Variants in CPEB4 observed in about 807,000 individuals in gnomAD.
The protein encoded by CPEB4 is cytoplasmic polyadenylation element-binding protein 4.
A neutral mutation model predicts 72.5 loss-of-function variants in CPEB4; 12 were observed. That is an observed-to-expected ratio of 0.17 (90% confidence interval 0.11 to 0.27). The LOEUF (loss-of-function observed/expected upper bound fraction) is 0.27, where lower values mean the gene tolerates loss of function less well. CPEB4 is among the 10% of genes least tolerant of loss of function. The pLI, the probability that CPEB4 is intolerant of heterozygous loss-of-function variation, is 1.00. For synonymous variants in CPEB4, 302 were observed against 326.3 expected, an observed-to-expected ratio of 0.93 and a Z score of 0.80; for missense variants, 614 against 908.5, an observed-to-expected ratio of 0.68 and a Z score of 4.17.
intron 5 of CPEB4, 91 bp downstream of exon 5, chr5:173,945,231 C>A: frequency 9.3e-7 from 1 of 1,077,250 alleles, no homozygotes; most frequent in Non-Finnish European, 1.4e-6. Context: ...TCTTATCTGG[C>A]TCCAATAGTC....
At chr5:173,910,673 A>C in intron 2 of CPEB4, 69 bp downstream of exon 2, 1 of 989,688 alleles carries the variant, frequency 1.0e-6, no homozygotes, top group Non-Finnish European at 1.6e-6. Flanking sequence ...ATTTAATCTG[A>C]TACACAGTAT....
intron 6 of CPEB4, 113 bp from the exon 7 acceptor site, chr5:173,949,847 A>T: frequency 1.2e-6 from 1 of 819,668 alleles, no homozygotes; most frequent in Non-Finnish European, 2.0e-6. Context: ...ATATTGTTTT[A>T]ATTTTTTTCC....
rs956239090 is a variant in CPEB4 at position 173,889,538 on chromosome 5, A to G, written c.-196A>G. The G allele has an allele frequency of 2.1e-6, 1 of 473,606 alleles. No homozygotes were observed. The highest frequency in any genetic ancestry group is 3.8e-6 in the Non-Finnish European group (1 of 265,830). The allele number at this position is 473,606 out of a possible 1,614,324, so 29.3% of individuals were successfully genotyped here. On this transcript the variant is annotated 5_prime_UTR_variant, in exon 1 of 10. Coordinates refer to ENST00000265085, the MANE Select transcript of CPEB4 (RefSeq NM_030627.4). ...CAATGTTTTAAGAGATTTTTTTAAG[A>G]GTTGTTTTTTCTTTCAGAGACCAGA...
chr5:173,890,784 C>T lies in CPEB4; in HGVS notation c.1051C>T (p.Pro351Ser). ...NHIQLQKYAR[P>S]SSAFAPKSWM... ...TATTCAGCTCCAGAAGTATGCTCGC[C>T]CCAGCTCTGCCTTTGCACCTAAATC... Residue 351 changes from proline to serine, a missense_variant, in exon 1 of 10, where the codon CCC becomes TCC. Physicochemically the swap from Pro to Ser is moderately conservative, Grantham distance 74. Transcript: ENST00000265085. 2 of 1,614,158 alleles carry T rather than the reference C, an allele frequency of 1.2e-6. No individual in the cohort carries two copies. The highest frequency in any genetic ancestry group is 1.1e-5 in the South Asian group (1 of 91,082).
chr5:173,919,805 C>G (rs359420), intron 2 of CPEB4, among the ~76,000 whole-genome samples: 16,724 of 152,228 alleles, frequency 0.11, 1,120 homozygotes, highest in Middle Eastern at 0.21. Context: ...AGAATTATTA[C>G]TTCCCAAAAC....
In CPEB4 at chr5:173,900,195, C is replaced by T. The variant is rs112603380; in HGVS notation, c.1125+9337C>T. Among the ~76,000 whole-genome samples the T allele has an allele frequency of 6.6e-6, 1 of 152,004 alleles. No individual in the cohort carries two copies. The highest frequency in any genetic ancestry group is 6.5e-5 in the Admixed American group (1 of 15,270). On this transcript the variant is annotated intron_variant, in intron 1 of 9. Coordinates refer to ENST00000265085, the MANE Select transcript of CPEB4 (RefSeq NM_030627.4). The surrounding 1 kb of genome is among the most constrained non-coding windows in gnomAD (Gnocchi z 4.4). ...CTGAGGTGGGCGGATCACCTGAGGT[C>T]GGGAGTTCGAGACCAGCCTGACCAA...
At position 173,957,089 on chromosome 5, in the gene CPEB4, C is replaced by G. The variant is rs576396504; in HGVS notation, c.*952C>G. ...TATATAAACTCTATATCCTAATTTACTAATACTCATCAGATGTCAGCCTTT... is the reference window on the plus strand; with the variant it reads ...TATATAAACTCTATATCCTAATTTAGTAATACTCATCAGATGTCAGCCTTT... On this transcript the variant is annotated 3_prime_UTR_variant, in exon 10 of 10. Transcript: ENST00000265085. 2.0e-5 allele frequency: 3 copies of G among 152,786 alleles called. No homozygotes were observed. Among genetic ancestry groups the G allele is most frequent in the Admixed American group, 6.5e-5 (1 of 15,284 alleles). The allele number at this position is 152,786 out of a possible 1,614,324, so 9.5% of individuals were successfully genotyped here. A position where few individuals can be genotyped will look rare whatever the true frequency, so the allele number is the denominator to read the frequency against.
At position 173,957,417 on chromosome 5, in the gene CPEB4, A is replaced by G. The variant is rs541650993; in HGVS notation, c.*1280A>G. ...TACGTATGTTTATCTTACTCTTCCT[A>G]TAAACTAAAATAACATTACAGTTTC... is the stretch of plus-strand genomic sequence containing the variant. On this transcript the variant is annotated 3_prime_UTR_variant, in exon 10 of 10. Transcript: ENST00000265085. 3.9e-5 allele frequency: 6 copies of G among 152,938 alleles called. No homozygotes were observed. The highest frequency in any genetic ancestry group is 2.1e-4 in the South Asian group (1 of 4,832). The allele number at this position is 152,938 out of a possible 1,614,324, so 9.5% of individuals were successfully genotyped here.
At chr5:173,919,430 A>G (rs762164875) in intron 2 of CPEB4, among the ~76,000 whole-genome samples, 1 of 152,226 alleles carries the variant, frequency 6.6e-6, no homozygotes. Context: ...CACAATATTT[A>G]TGGGGATACA....
intron 1 of CPEB4, among the ~76,000 whole-genome samples, chr5:173,894,568 C>T (rs1287291368): frequency 1.4e-5 from 2 of 146,872 alleles, no homozygotes; most frequent in Admixed American, 1.4e-4. Flanking sequence ...TTGCAGTGAG[C>T]TGAGATCATG....
chr5:173,911,721 T>G (rs1756671122), intron 2 of CPEB4, among the ~76,000 whole-genome samples: 1 of 149,854 alleles, frequency 6.7e-6, no homozygotes, highest in African/African-American at 2.5e-5. Context: ...CTTAGAATGT[T>G]TGGTATATTT....
intron 2 of CPEB4, among the ~76,000 whole-genome samples, chr5:173,927,535 C>T (rs1487164985): frequency 6.6e-6 from 1 of 152,000 alleles, no homozygotes; most frequent in Non-Finnish European, 1.5e-5. Flanking sequence ...CCCAGCACTT[C>T]GGGAGGCCGA....
In CPEB4 at chr5:173,910,021, A is replaced by AT. The variant is rs1286989602; in HGVS notation, c.1126-491dup. 7.0e-3 allele frequency among the ~76,000 whole-genome samples: 1,012 copies of AT among 144,824 alleles called. 11 individuals carry two copies. Among genetic ancestry groups the AT allele is most frequent in the African/African-American group, 0.021 (821 of 39,706 alleles). On this transcript the variant is annotated intron_variant, in intron 1 of 9. Coordinates refer to ENST00000265085, the MANE Select transcript of CPEB4 (RefSeq NM_030627.4). ...TCAAAAAAAAAAAAAGATTTCTCTCATTTTTTTTTTTGTATGCTTTACCAT... is the reference window on the plus strand; with the variant it reads ...TCAAAAAAAAAAAAAGATTTCTCTCATTTTTTTTTTTTGTATGCTTTACCAT...
At chr5:173,954,661 C>T (rs578136276) in intron 9 of CPEB4, among the ~76,000 whole-genome samples, 1 of 152,130 alleles carries the variant, frequency 6.6e-6, no homozygotes, top group Admixed American at 6.6e-5. Context: ...GCATGAGCCA[C>T]CCACCATGCC....
At chr5:173,908,174 T>G (rs766395067) in intron 1 of CPEB4, among the ~76,000 whole-genome samples, 2 of 152,236 alleles carry the variant, frequency 1.3e-5, no homozygotes, top group African/African-American at 2.4e-5. Context: ...TTGACTTAAT[T>G]TAGTGCTTGA....
chr5:173,907,460 G>A (rs1160072697), intron 1 of CPEB4, among the ~76,000 whole-genome samples: 1 of 152,170 alleles, frequency 6.6e-6, no homozygotes. Flanking sequence ...CAAAATGCAT[G>A]TTCCGGAAAT....
chr5:173,949,030 G>C (rs1309622684), intron 5 of CPEB4, among the ~76,000 whole-genome samples: 2 of 152,182 alleles, frequency 1.3e-5, no homozygotes, highest in Non-Finnish European at 2.9e-5. Flanking sequence ...AGAACATGGA[G>C]CTGTTCCAAG....
intron 1 of CPEB4, among the ~76,000 whole-genome samples, chr5:173,909,510 G>C (rs994299952): frequency 7.6e-6 from 1 of 131,470 alleles, no homozygotes; most frequent in Admixed American, 8.4e-5. Flanking sequence ...TTTTATGTTG[G>C]GGGAAGGGAG....
chr5:173,901,060 A>G (rs990785990), intron 1 of CPEB4, among the ~76,000 whole-genome samples: 2 of 152,208 alleles, frequency 1.3e-5, no homozygotes, highest in African/African-American at 2.4e-5. Flanking sequence ...GAAAAGGTCT[A>G]TTGATTCAGG....
Sources: allele counts gnomAD v4.1 joint callset (sites outside exome capture counted in the v4.1 genomes callset), GRCh38; gene constraint gnomAD v4.1.1; non-coding constraint Gnocchi (gnomAD v3.1); transcripts MANE v1.5; gene names NCBI Gene and HGNC (gene_info 2026-07-23, HGNC 2026-07-21).